Variants in ITPR2 observed in about 807,000 individuals in gnomAD.
ITPR2 encodes inositol 1,4,5-trisphosphate receptor type 2, also known as inositol 1,4,5-trisphosphate-gated calcium channel ITPR2.
A neutral mutation model predicts 317.1 loss-of-function variants in ITPR2; 207 were observed. That is an observed-to-expected ratio of 0.65 (90% CI 0.58 to 0.73). The LOEUF is 0.73. Ranked by LOEUF, ITPR2 falls within the 30% of genes least tolerant of loss-of-function variation. ITPR2 has a pLI of 0.00. For synonymous variants in ITPR2, 1,156 were observed against 1,149.1 expected (o/e 1.01, Z -0.12); for missense variants, 2,613 against 3,284.0 (o/e 0.80, Z 4.99).
chr12:26,454,024 A>G (rs546772765), intron 45 of ITPR2, among the ~76,000 whole-genome samples: 1 of 152,012 alleles, frequency 6.6e-6, no homozygotes, highest in South Asian at 2.1e-4. Flanking sequence ...GGGTGAATGG[A>G]TGGATGGATG....
chr12:26,705,415 T>C (rs1291380381), intron 9 of ITPR2, among the ~76,000 whole-genome samples: 1 of 152,172 alleles, frequency 6.6e-6, no homozygotes, highest in Non-Finnish European at 1.5e-5. Context: ...ATTTTCCAGG[T>C]GCTTCTGGCT....
At chr12:26,673,140 T>C (rs11494767) in intron 13 of ITPR2, among the ~76,000 whole-genome samples, 33,667 of 152,050 alleles carry the variant, frequency 0.22, 4,715 homozygotes, top group African/African-American at 0.39. Flanking sequence ...TATCATTCCT[T>C]CTGAAACTAT....
intron 5 of ITPR2, among the ~76,000 whole-genome samples, chr12:26,716,959 T>A (rs1249383435): frequency 6.6e-6 from 1 of 152,214 alleles, no homozygotes; most frequent in Admixed American, 6.6e-5. Context: ...ATTGTAGCAA[T>A]ATCCACCTTC....
intron 49 of ITPR2, among the ~76,000 whole-genome samples, chr12:26,426,028 GA>G (rs1267809606): frequency 6.6e-6 from 1 of 152,162 alleles, no homozygotes; most frequent in Non-Finnish European, 1.5e-5. Context: ...AAAAACAAAG[GA>G]AATGCAAATC....
At chr12:26,698,442 G>A (rs1310616927) in intron 9 of ITPR2, among the ~76,000 whole-genome samples, 1 of 152,160 alleles carries the variant, frequency 6.6e-6, no homozygotes, top group Non-Finnish European at 1.5e-5. Context: ...ACATTAAGTG[G>A]ATGAAGGCAC....
chr12:26,418,690 C>T (rs1011558648), intron 50 of ITPR2, among the ~76,000 whole-genome samples: 2 of 151,782 alleles, frequency 1.3e-5, no homozygotes, highest in Admixed American at 1.3e-4. Context: ...GATTTCAGTA[C>T]CTAAGAAAAT....
intron 13 of ITPR2, among the ~76,000 whole-genome samples, chr12:26,669,155 T>C (rs778278714): frequency 1.9e-4 from 29 of 151,468 alleles, no homozygotes; most frequent in Admixed American, 1.5e-3. Context: ...ATTATTTAAA[T>C]AAAAATTTAA....
At chr12:26,492,805 G>C (rs1942837870) in intron 39 of ITPR2, among the ~76,000 whole-genome samples, 1 of 152,030 alleles carries the variant, frequency 6.6e-6, no homozygotes, top group Admixed American at 6.6e-5. Context: ...CCAAATAGCT[G>C]AAAGAATTTT....
intron 35 of ITPR2, among the ~76,000 whole-genome samples, chr12:26,557,192 G>C (rs1217674516): frequency 6.6e-6 from 1 of 152,144 alleles, no homozygotes; most frequent in African/African-American, 2.4e-5. Context: ...CTATACATGG[G>C]TTCAGTGACA....
At chr12:26,516,099 G>A (rs1943482378) in intron 37 of ITPR2, among the ~76,000 whole-genome samples, 1 of 148,338 alleles carries the variant, frequency 6.7e-6, no homozygotes, top group Admixed American at 6.8e-5. Context: ...ACTCTAGCCT[G>A]GGTGACAGAG....
chr12:26,569,519 C>A (rs1422334781), intron 34 of ITPR2, among the ~76,000 whole-genome samples: 3 of 146,058 alleles, frequency 2.1e-5, no homozygotes. Flanking sequence ...CATGCCACTG[C>A]ACTCCACCCT....
At chr12:26,473,583 A>AC (rs1591813360) in intron 45 of ITPR2, among the ~76,000 whole-genome samples, 1 of 152,144 alleles carries the variant, frequency 6.6e-6, no homozygotes, top group South Asian at 2.1e-4. Context: ...TGCCTTTTTG[A>AC]CCTTGCTTGT....
intron 5 of ITPR2, among the ~76,000 whole-genome samples, chr12:26,717,751 G>A (rs1187739436): frequency 6.6e-6 from 1 of 152,300 alleles, no homozygotes; most frequent in East Asian, 1.9e-4. Flanking sequence ...CGGACAGATG[G>A]AATAAAAAGA....
intron 45 of ITPR2, among the ~76,000 whole-genome samples, chr12:26,465,526 A>G (rs1942150122): frequency 1.3e-5 from 2 of 152,168 alleles, no homozygotes; most frequent in South Asian, 2.1e-4. Context: ...AAAGAAGCAG[A>G]TTTGCATGCA....
Position 26,494,262 on chromosome 12 carries a change from G to A in ITPR2, c.5261C>T (p.Ala1754Val). ...TATAACATCGATGACAAGTTCTGAT[G>A]CACCTTCTTTATCCAGCAGACACTG... The part of the protein sequence containing the change: ...DIQCLLDKEG[A>V]SELVIDVIVN... Residue 1754 changes from alanine to valine, a missense_variant, in exon 39 of 57, where the codon GCA becomes GTA. Physicochemically the swap from Ala to Val is moderately conservative, Grantham distance 64. Around this residue, in one of 9 missense-constraint regions of ITPR2, gnomAD observed 926 missense variants for 1,072.8 expected, o/e 0.86. Coordinates refer to ENST00000381340, the MANE Select transcript of ITPR2 (RefSeq NM_002223.4). The A allele has an allele frequency of 6.2e-7, 1 of 1,613,304 alleles. No individual in the cohort carries two copies. Among genetic ancestry groups the A allele is most frequent in the Non-Finnish European group, 8.5e-7 (1 of 1,179,544 alleles).
At chr12:26,538,346 GA>G (rs111475733) in intron 37 of ITPR2, among the ~76,000 whole-genome samples, 16 of 144,046 alleles carry the variant, frequency 1.1e-4, no homozygotes, top group East Asian at 2.0e-4. Flanking sequence ...ACACCTTTTT[GA>G]AAAAAAAAAA....
In ITPR2 at chr12:26,495,120, C is replaced by T. The variant is rs149854192; in HGVS notation, c.5182+32G>A. ...TGACATGAAGATGTATCATGAGAATCCTAAAATGAGAAAACAAATGACAGG... is the reference window on the plus strand; with the variant it reads ...TGACATGAAGATGTATCATGAGAATTCTAAAATGAGAAAACAAATGACAGG... On this transcript the variant is annotated intron_variant, in intron 38 of 56. Coordinates refer to ENST00000381340, the MANE Select transcript of ITPR2 (RefSeq NM_002223.4). 1.5e-4 allele frequency: 165 copies of T among 1,113,676 alleles called. No homozygotes were observed. In the Middle Eastern group the frequency reaches 1.8e-3, roughly 12 times the overall value. The allele number at this position is 1,113,676 out of a possible 1,614,324, so 69.0% of individuals were successfully genotyped here.
chr12:26,770,478 C>G (rs994638023), intron 2 of ITPR2, among the ~76,000 whole-genome samples: 13 of 152,304 alleles, frequency 8.5e-5, no homozygotes, highest in Non-Finnish European at 1.3e-4. Context: ...TCACAATTCT[C>G]TTCTCTGTGC....
intron 1 of ITPR2, among the ~76,000 whole-genome samples, chr12:26,827,983 G>T (rs964970685): frequency 6.6e-6 from 1 of 152,128 alleles, no homozygotes; most frequent in Non-Finnish European, 1.5e-5. Context: ...GATTTTCCTA[G>T]CAATTTTCTA....
Sources: allele counts gnomAD v4.1 joint callset (sites outside exome capture counted in the v4.1 genomes callset), GRCh38; gene constraint gnomAD v4.1.1; regional missense constraint gnomAD v4.1.1; transcripts MANE v1.5; gene names NCBI Gene and HGNC (gene_info 2026-07-23, HGNC 2026-07-21).